PPARGC1A: variants seen among roughly 807,000 people sequenced by gnomAD.
The protein encoded by PPARGC1A is PPARG coactivator 1 alpha.
In PPARGC1A, 25 loss-of-function variants were observed where a neutral mutation model predicts 88.7. The ratio of observed to expected loss-of-function variants is 0.28; its 90% CI spans 0.21 to 0.39. The LOEUF (loss-of-function observed/expected upper bound fraction) is 0.39, where lower values mean the gene tolerates loss of function less well. Ranked by LOEUF, PPARGC1A falls within the 10% of genes least tolerant of loss-of-function variation. The probability of loss-of-function intolerance (pLI) is 1.00; values close to 1 mark genes in which losing one functional copy is unlikely to be tolerated. For synonymous variants in PPARGC1A, 363 were observed against 355.6 expected (o/e 1.02, Z -0.24); for missense variants, 880 against 968.7 (o/e 0.91, Z 1.22).
chr4:24,404,788 T>C, the PPARGC1A span, among the ~76,000 whole-genome samples: 1 of 152,204 alleles, frequency 6.6e-6, no homozygotes, highest in East Asian at 1.9e-4. Context: ...TTGGCAGAGT[T>C]GGGATTGAGG....
chr4:24,182,518 T>C, the PPARGC1A span, among the ~76,000 whole-genome samples: 1 of 152,174 alleles, frequency 6.6e-6, no homozygotes, highest in Non-Finnish European at 1.5e-5. Context: ...TACCCAGTAA[T>C]GGGATTGCTG....
the PPARGC1A span, among the ~76,000 whole-genome samples, chr4:24,439,279 G>A: frequency 6.6e-6 from 1 of 152,218 alleles, no homozygotes; most frequent in African/African-American, 2.4e-5. Flanking sequence ...TCAGGTGAGA[G>A]GAGGTAAGAG....
the PPARGC1A span, among the ~76,000 whole-genome samples, chr4:24,384,343 A>C: frequency 6.6e-6 from 1 of 152,312 alleles, no homozygotes; most frequent in South Asian, 2.1e-4. Context: ...CAAAATAACC[A>C]GCTAACATCA....
intron 8 of PPARGC1A, 87 bp downstream of exon 8, chr4:23,813,603 C>T: frequency 7.9e-7 from 1 of 1,268,642 alleles, no homozygotes; most frequent in African/African-American, 1.5e-5. Flanking sequence ...AGAATGGCTG[C>T]AGATTTCAAA....
At chr4:24,415,542 G>C in the PPARGC1A span, among the ~76,000 whole-genome samples, 1 of 152,098 alleles carries the variant, frequency 6.6e-6, no homozygotes, top group Non-Finnish European at 1.5e-5. Flanking sequence ...GACAAGAAAA[G>C]GGTTCCCACT....
chr4:24,401,112 G>A, the PPARGC1A span, among the ~76,000 whole-genome samples: 25 of 137,472 alleles, frequency 1.8e-4, no homozygotes, highest in Middle Eastern at 4.7e-3. Flanking sequence ...TCCGCCTCCC[G>A]GGTTCACGCC....
chr4:24,406,583 A>T, the PPARGC1A span, among the ~76,000 whole-genome samples: 1 of 152,236 alleles, frequency 6.6e-6, no homozygotes, highest in African/African-American at 2.4e-5. Flanking sequence ...AATTGGAACT[A>T]GTCATCTCTC....
the PPARGC1A span, among the ~76,000 whole-genome samples, chr4:24,266,419 T>G: frequency 3.9e-3 from 586 of 152,206 alleles, 18 homozygotes; most frequent in East Asian, 0.093. Context: ...GGTCATGGGT[T>G]TAGCATTCAT....
the PPARGC1A span, among the ~76,000 whole-genome samples, chr4:23,933,835 C>G: frequency 6.6e-6 from 1 of 152,214 alleles, no homozygotes; most frequent in African/African-American, 2.4e-5. Flanking sequence ...CTCATCCGCC[C>G]AAGTGGGCAA....
the PPARGC1A span, among the ~76,000 whole-genome samples, chr4:24,418,535 C>G: frequency 1.3e-5 from 2 of 152,088 alleles, no homozygotes; most frequent in African/African-American, 4.8e-5. Flanking sequence ...CACCGAGACA[C>G]AAGTGTTAGA....
chr4:24,379,781 C>CT, the PPARGC1A span, among the ~76,000 whole-genome samples: 34,478 of 138,056 alleles, frequency 0.25, 4,349 homozygotes, highest in East Asian at 0.39. Context: ...TATTTAAATT[C>CT]TTTTTTTTTT....
the PPARGC1A span, among the ~76,000 whole-genome samples, chr4:24,087,845 T>C: frequency 6.6e-6 from 1 of 152,188 alleles, no homozygotes; most frequent in Non-Finnish European, 1.5e-5. Context: ...ATCTAGTTCA[T>C]TTCCAACTCC....
the PPARGC1A span, among the ~76,000 whole-genome samples, chr4:24,087,276 T>C: frequency 2.0e-5 from 3 of 152,222 alleles, no homozygotes; most frequent in Non-Finnish European, 4.4e-5. Flanking sequence ...CTCTGCTTCC[T>C]TCCAGATCAA....
chr4:24,355,338 A>T, the PPARGC1A span, among the ~76,000 whole-genome samples: 1 of 152,170 alleles, frequency 6.6e-6, no homozygotes, highest in Non-Finnish European at 1.5e-5. Context: ...AAAACAAACA[A>T]ACAAAAAAGG....
At chr4:24,266,301 G>A in the PPARGC1A span, among the ~76,000 whole-genome samples, 3 of 152,128 alleles carry the variant, frequency 2.0e-5, no homozygotes, top group African/African-American at 7.2e-5. Context: ...GTGTGCCGCT[G>A]AGGAGTTGCT....
At chr4:24,296,372 C>T in the PPARGC1A span, among the ~76,000 whole-genome samples, 2 of 152,092 alleles carry the variant, frequency 1.3e-5, no homozygotes, top group African/African-American at 4.8e-5. Context: ...ATATTCTTCT[C>T]ACAAATGTAC....
the PPARGC1A span, among the ~76,000 whole-genome samples, chr4:23,928,585 A>G: frequency 3.8e-4 from 58 of 152,238 alleles, no homozygotes; most frequent in African/African-American, 1.3e-3. Flanking sequence ...TTGACCCAGC[A>G]ATCCCATTAC....
the PPARGC1A span, among the ~76,000 whole-genome samples, chr4:23,929,884 A>G: frequency 2.6e-5 from 4 of 152,160 alleles, no homozygotes; most frequent in East Asian, 1.9e-4. Flanking sequence ...GGCTCTTCTC[A>G]TTACATCTTT....
At chr4:23,929,773 A>G in the PPARGC1A span, among the ~76,000 whole-genome samples, 1 of 152,340 alleles carries the variant, frequency 6.6e-6, no homozygotes, top group African/African-American at 2.4e-5. Flanking sequence ...CTTCTGCTGC[A>G]GAGGATTTGC....
Sources: allele counts gnomAD v4.1 joint callset (sites outside exome capture counted in the v4.1 genomes callset), GRCh38; gene constraint gnomAD v4.1.1; transcripts MANE v1.5; gene names NCBI Gene and HGNC (gene_info 2026-07-23, HGNC 2026-07-21).